The following POU2F1 variants were observed in gnomAD, a reference collection of about 807,000 sequenced individuals.
POU2F1 encodes POU domain, class 2, transcription factor 1.
A neutral mutation model predicts 84.9 loss-of-function variants in POU2F1; 16 were observed. The ratio of observed to expected loss-of-function variants is 0.19; its 90% CI spans 0.13 to 0.29. The LOEUF is 0.29. Among genes scored for constraint, POU2F1 ranks in the 10% least tolerant of loss-of-function variants. The pLI is 1.00. For missense variants in POU2F1, 738 were observed against 942.6 expected, an observed-to-expected ratio of 0.78 and a Z score of 2.84; for synonymous variants, 368 against 368.3, an observed-to-expected ratio of 1.00 and a Z score of 0.01.
In POU2F1 at chr1:167,421,322, T is replaced by C. The variant is rs1650639069; in HGVS notation, c.*5512T>C. 6.6e-6 allele frequency: 1 copy of C among 152,218 alleles called. No individual in the cohort carries two copies. Among genetic ancestry groups the C allele is most frequent in the South Asian group, 2.1e-4 (1 of 4,834 alleles). 9.4% of individuals were successfully genotyped at this position (152,218 alleles called of 1,614,324 possible). On this transcript the variant is annotated 3_prime_UTR_variant, in exon 16 of 16. Transcript: ENST00000367866. ...GAATAGGATAAATAAATTGCTTTCA[T>C]CATAAAGGCCAATCATCCATTTCTT...
Position 167,413,220 on chromosome 1 carries a change from G to A in POU2F1, c.1990+106G>A. On this transcript the variant is annotated intron_variant, in intron 15 of 15. Coordinates refer to ENST00000367866, the MANE Select transcript of POU2F1 (RefSeq NM_002697.4). ...GACAGAGATAGAGGAAGTCTGCTTT[G>A]CTAGAGGTAAAAGTGATGGGAAAGA... 3 of 1,034,572 alleles carry A rather than the reference G, an allele frequency of 2.9e-6. No homozygotes were observed. The South Asian group carries it at 4.2e-5, about 15-fold the overall frequency. The allele number at this position is 1,034,572 out of a possible 1,614,324, so 64.1% of individuals were successfully genotyped here.
At chr1:167,393,547 G>A (rs1486491664) in intron 9 of POU2F1, among the ~76,000 whole-genome samples, 1 of 151,866 alleles carries the variant, frequency 6.6e-6, no homozygotes, top group African/African-American at 2.4e-5. Context: ...GGCTCTGGCT[G>A]GAGTGCAGTG....
At chr1:167,371,069 A>T (rs1659973631) in intron 4 of POU2F1, among the ~76,000 whole-genome samples, 1 of 152,168 alleles carries the variant, frequency 6.6e-6, no homozygotes, top group African/African-American at 2.4e-5. Context: ...TTGAATATGG[A>T]CCTAGTAACA....
intron 1 of POU2F1, among the ~76,000 whole-genome samples, chr1:167,243,847 A>G (rs910237045): frequency 6.6e-6 from 1 of 152,236 alleles, no homozygotes; most frequent in Non-Finnish European, 1.5e-5. Context: ...AATTAGCATC[A>G]TGACCACTAT....
At chr1:167,256,525 C>T (rs1323047733) in intron 1 of POU2F1, among the ~76,000 whole-genome samples, 1 of 152,090 alleles carries the variant, frequency 6.6e-6, no homozygotes, top group Admixed American at 6.6e-5. Flanking sequence ...AGGATATTCA[C>T]ACCAAATAAC....
intron 1 of POU2F1, among the ~76,000 whole-genome samples, chr1:167,317,637 T>C (rs1035678193): frequency 6.6e-6 from 1 of 152,246 alleles, no homozygotes; most frequent in Admixed American, 6.5e-5. Flanking sequence ...AGGCACAGAT[T>C]GCTCATGCTA....
At chr1:167,270,102 A>G (rs2102464739) in intron 1 of POU2F1, among the ~76,000 whole-genome samples, 1 of 152,292 alleles carries the variant, frequency 6.6e-6, no homozygotes, top group Non-Finnish European at 1.5e-5. Flanking sequence ...ACAACATTAA[A>G]GGGATTAAAG....
chr1:167,358,949 G>T (rs1052566113), intron 2 of POU2F1, among the ~76,000 whole-genome samples: 1 of 151,158 alleles, frequency 6.6e-6, no homozygotes, highest in African/African-American at 2.4e-5. Flanking sequence ...AAGTTTATAC[G>T]TTACAAAGTG....
intron 7 of POU2F1, chr1:167,376,570 A>G (rs2101860100): frequency 6.5e-6 from 1 of 153,760 alleles, no homozygotes; most frequent in South Asian, 2.1e-4. Flanking sequence ...GACTGCTATA[A>G]TAGAAACTAC....
chr1:167,413,225 A>T (rs1341054051), intron 15 of POU2F1, 111 bp downstream of exon 15: 2 of 967,650 alleles, frequency 2.1e-6, no homozygotes, highest in East Asian at 4.9e-5. Flanking sequence ...GCTTTGCTAG[A>T]GGTAAAAGTG....
chr1:167,393,371 A>G (rs1648564681), intron 9 of POU2F1, among the ~76,000 whole-genome samples: 2 of 152,214 alleles, frequency 1.3e-5, no homozygotes, highest in South Asian at 4.1e-4. Context: ...TAAATGATAA[A>G]GTGAGTTTAT....
At chr1:167,315,121 G>A (rs901704480) in intron 1 of POU2F1, among the ~76,000 whole-genome samples, 4 of 152,188 alleles carry the variant, frequency 2.6e-5, no homozygotes, top group Admixed American at 6.5e-5. Flanking sequence ...TGCCTATACA[G>A]CCTGCGGAAC....
intron 1 of POU2F1, among the ~76,000 whole-genome samples, chr1:167,228,980 T>C (rs1315018378): frequency 1.3e-5 from 2 of 152,192 alleles, no homozygotes; most frequent in Non-Finnish European, 2.9e-5. Flanking sequence ...TTAGATTAAG[T>C]GACTTTCTCA....
At chr1:167,232,447 T>C (rs1649133340) in intron 1 of POU2F1, among the ~76,000 whole-genome samples, 1 of 152,182 alleles carries the variant, frequency 6.6e-6, no homozygotes, top group South Asian at 2.1e-4. Flanking sequence ...AGATAAGAGC[T>C]TATAGAATAA....
intron 1 of POU2F1, among the ~76,000 whole-genome samples, chr1:167,235,013 T>TA (rs1649346536): frequency 1.3e-5 from 2 of 152,232 alleles, no homozygotes; most frequent in Admixed American, 6.5e-5. Flanking sequence ...ACCAAGCTGT[T>TA]ACTAAACTAG....
intron 1 of POU2F1, chr1:167,329,439 A>C: frequency 9.8e-7 from 1 of 1,021,868 alleles, no homozygotes; most frequent in Non-Finnish European, 1.4e-6. Flanking sequence ...TGAGCAGGGA[A>C]GGAGGAAAGC....
intron 1 of POU2F1, among the ~76,000 whole-genome samples, chr1:167,269,296 C>T (rs936864100): frequency 1.6e-4 from 24 of 152,184 alleles, no homozygotes; most frequent in African/African-American, 5.8e-4. Context: ...TGACAAATGT[C>T]AGTTACGTTT....
chr1:167,370,557 A>G (rs1659943119), intron 4 of POU2F1, among the ~76,000 whole-genome samples: 2 of 152,280 alleles, frequency 1.3e-5, no homozygotes, highest in African/African-American at 4.8e-5. Flanking sequence ...AAGACTTGTT[A>G]TTTATCATTT....
chr1:167,368,926 T>A (rs1376604298), intron 3 of POU2F1, among the ~76,000 whole-genome samples: 2 of 152,204 alleles, frequency 1.3e-5, no homozygotes, highest in African/African-American at 4.8e-5. Flanking sequence ...ACTACCATTT[T>A]CCAGTTGCCC....
Sources: gnomAD v4.1 joint callset for allele counts (sites outside exome capture counted in the v4.1 genomes callset) on GRCh38, gnomAD v4.1.1 for gene constraint, MANE v1.5 for transcripts, NCBI Gene and HGNC (gene_info 2026-07-23, HGNC 2026-07-21) for gene names.